FGF12: variants seen among roughly 807,000 people sequenced by gnomAD.
FGF12 encodes fibroblast growth factor 12, also known as fibroblast growth factor 12B.
In FGF12, 14 loss-of-function variants were observed where a neutral mutation model predicts 23.6. That is an observed-to-expected ratio of 0.59 (90% CI 0.39 to 0.93). The LOEUF (loss-of-function observed/expected upper bound fraction) is 0.93. FGF12 is among the 40% of genes least tolerant of loss of function. The pLI, the probability that FGF12 is intolerant of heterozygous loss-of-function variation, is 0.00. For synonymous variants in FGF12, 62 were observed against 77.3 expected (o/e 0.80, Z 1.04); for missense variants, 175 against 217.8 (o/e 0.80, Z 1.24).
At chr3:192,218,272 G>A (rs922811509) in intron 4 of FGF12, among the ~76,000 whole-genome samples, 14 of 152,176 alleles carry the variant, frequency 9.2e-5, no homozygotes, top group African/African-American at 3.4e-4. Flanking sequence ...AATAAGTAAG[G>A]AGATACTGGC....
chr3:192,180,521 T>A (rs912827225), intron 4 of FGF12, among the ~76,000 whole-genome samples: 2 of 152,232 alleles, frequency 1.3e-5, no homozygotes, highest in African/African-American at 4.8e-5. Context: ...TGCCTCAGCC[T>A]CTGTCTTCCT....
intron 4 of FGF12, among the ~76,000 whole-genome samples, chr3:192,270,794 AG>A (rs1713383670): frequency 1.6e-5 from 1 of 61,980 alleles, no homozygotes; most frequent in African/African-American, 6.5e-5. Context: ...GTGGGAAGGA[AG>A]GAAGGAAGGA....
intron 2 of FGF12, among the ~76,000 whole-genome samples, chr3:192,682,082 T>A (rs1717549246): frequency 1.3e-5 from 2 of 152,164 alleles, no homozygotes; most frequent in South Asian, 4.1e-4. Context: ...GAATCTGGGC[T>A]CTTGATTTCT....
rs1042268599 is a variant in FGF12, at chr3:192,261,570, G to T, written c.228+73791C>A. ...TGTGATCTAAAGTGTCTGTAGAGCT[G>T]TGGAGATGTCATGGCTCCGCCAGAG... On this transcript the variant is annotated intron_variant, in intron 4 of 5. Transcript: ENST00000445105. Among the ~76,000 whole-genome samples, 5 of 152,206 alleles carry T rather than the reference G, an allele frequency of 3.3e-5. 1 individual carries two copies. Among genetic ancestry groups the T allele is most frequent in the African/African-American group, 1.2e-4 (5 of 41,458 alleles).
chr3:192,195,091 C>T (rs1042894374), intron 4 of FGF12, among the ~76,000 whole-genome samples: 2 of 152,200 alleles, frequency 1.3e-5, no homozygotes, highest in Non-Finnish European at 2.9e-5. Flanking sequence ...CAGTCCTATA[C>T]GTAGCCCGGA....
chr3:192,561,814 G>A (rs903044062), intron 2 of FGF12, among the ~76,000 whole-genome samples: 1 of 151,692 alleles, frequency 6.6e-6, no homozygotes, highest in Admixed American at 6.6e-5. Flanking sequence ...TCATTATAAA[G>A]TTAAACAAGA....
intron 2 of FGF12, among the ~76,000 whole-genome samples, chr3:192,476,546 CCT>C (rs1397227691): frequency 1.3e-5 from 2 of 152,132 alleles, no homozygotes; most frequent in Non-Finnish European, 1.5e-5. Context: ...TAATATGCCC[CCT>C]GTTTATTTTG....
chr3:192,615,992 T>C (rs1714741263), intron 2 of FGF12, among the ~76,000 whole-genome samples: 1 of 152,018 alleles, frequency 6.6e-6, no homozygotes, highest in Non-Finnish European at 1.5e-5. Context: ...ATATAATCAA[T>C]TATAGCATTA....
At chr3:192,182,438 G>A (rs911021665) in intron 4 of FGF12, among the ~76,000 whole-genome samples, 5 of 152,058 alleles carry the variant, frequency 3.3e-5, no homozygotes, top group Non-Finnish European at 2.9e-5. Flanking sequence ...ACAAAACAAA[G>A]ATGACTATAA....
At chr3:192,438,440 T>C in intron 2 of FGF12, among the ~76,000 whole-genome samples, 1 of 152,206 alleles carries the variant, frequency 6.6e-6, no homozygotes, top group East Asian at 1.9e-4. Context: ...TCTGGAAACT[T>C]ATAGCCAATC....
At chr3:192,421,794 A>G (rs1449444105) in intron 2 of FGF12, among the ~76,000 whole-genome samples, 2 of 151,546 alleles carry the variant, frequency 1.3e-5, no homozygotes, top group Non-Finnish European at 2.9e-5. Flanking sequence ...CATTCTGCAC[A>G]TGTACCCCAG....
chr3:192,690,586 C>A (rs1186028557), intron 2 of FGF12, among the ~76,000 whole-genome samples: 193 of 91,858 alleles, frequency 2.1e-3, no homozygotes, highest in Middle Eastern at 6.0e-3. Context: ...CACAACACTA[C>A]AAAAAAAAAA....
At chr3:192,277,230 T>C (rs1291879256) in intron 4 of FGF12, among the ~76,000 whole-genome samples, 3 of 152,214 alleles carry the variant, frequency 2.0e-5, no homozygotes, top group African/African-American at 7.2e-5. Context: ...AAGAATAGAT[T>C]GTTTCTAAGT....
intron 4 of FGF12, among the ~76,000 whole-genome samples, chr3:192,285,682 G>T (rs543899380): frequency 1.1e-4 from 16 of 151,908 alleles, no homozygotes; most frequent in African/African-American, 3.9e-4. Context: ...TTCATTTTTG[G>T]TGTTTATGCT....
At chr3:192,189,482 T>G (rs1716664618) in intron 4 of FGF12, among the ~76,000 whole-genome samples, 1 of 152,176 alleles carries the variant, frequency 6.6e-6, no homozygotes, top group Non-Finnish European at 1.5e-5. Context: ...CCCCAAAATT[T>G]TTTTGTTGAA....
At chr3:192,638,735 CTCATT>C (rs1467890836) in intron 2 of FGF12, among the ~76,000 whole-genome samples, 17 of 152,170 alleles carry the variant, frequency 1.1e-4, no homozygotes, top group African/African-American at 3.1e-4. Flanking sequence ...TATAGATGTG[CTCATT>C]TAGCATGAGT....
chr3:192,461,057 G>C (rs1430376362), intron 2 of FGF12, among the ~76,000 whole-genome samples: 2 of 152,048 alleles, frequency 1.3e-5, no homozygotes, highest in African/African-American at 4.8e-5. Context: ...TTCAAGTAAT[G>C]TTTACTCAAT....
chr3:192,441,848 G>C (rs1266547226), intron 2 of FGF12, among the ~76,000 whole-genome samples: 1 of 152,152 alleles, frequency 6.6e-6, no homozygotes, highest in East Asian at 1.9e-4. Context: ...ATCCATTACA[G>C]AATTTTCCTG....
intron 2 of FGF12, among the ~76,000 whole-genome samples, chr3:192,438,238 GTTC>G (rs1277053161): frequency 6.6e-6 from 1 of 152,110 alleles, no homozygotes; most frequent in African/African-American, 2.4e-5. Flanking sequence ...CCCACCTTTG[GTTC>G]TTCTTCCTTC....
Sources: allele counts gnomAD v4.1 joint callset (sites outside exome capture counted in the v4.1 genomes callset), GRCh38; gene constraint gnomAD v4.1.1; transcripts MANE v1.5; gene names NCBI Gene and HGNC (gene_info 2026-07-23, HGNC 2026-07-21).